SLC2A9: variants seen among roughly 807,000 people sequenced by gnomAD.
SLC2A9 encodes solute carrier family 2, facilitated glucose transporter member 9.
In SLC2A9, 39 loss-of-function variants were observed where a neutral mutation model predicts 50.6. The observed-to-expected ratio is 0.77, with a 90% CI of 0.60 to 1.01. The LOEUF is 1.01. Ranked by LOEUF, SLC2A9 falls within the 50% of genes least tolerant of loss-of-function variation. The pLI, the probability that SLC2A9 is intolerant of heterozygous loss-of-function variation, is 0.00. For synonymous variants in SLC2A9, 324 were observed against 276.9 expected (o/e 1.17, Z -1.69); for missense variants, 686 against 677.6 (o/e 1.01, Z -0.14).
intron 10 of SLC2A9, among the ~76,000 whole-genome samples, chr4:9,858,377 T>C (rs547149140): frequency 6.6e-6 from 1 of 152,340 alleles, no homozygotes; most frequent in African/African-American, 2.4e-5. Context: ...AATGGACTGA[T>C]GTTTCCATGC....
intron 3 of SLC2A9, among the ~76,000 whole-genome samples, chr4:9,807,911 T>C (rs968765688): frequency 2.0e-5 from 3 of 152,218 alleles, no homozygotes; most frequent in Non-Finnish European, 4.4e-5. Flanking sequence ...GTGGACGACA[T>C]GGTTTCGGCG....
At chr4:9,789,104 A>G (rs1016290764) in intron 3 of SLC2A9, among the ~76,000 whole-genome samples, 1 of 152,222 alleles carries the variant, frequency 6.6e-6, no homozygotes, top group Non-Finnish European at 1.5e-5. Flanking sequence ...TAGATATATC[A>G]AATCCCATGC....
intron 3 of SLC2A9, among the ~76,000 whole-genome samples, chr4:9,781,476 T>C (rs369054715): frequency 3.0e-4 from 46 of 151,724 alleles, no homozygotes; most frequent in African/African-American, 1.0e-3. Context: ...GGTCTGGCGC[T>C]GGGGCGCCCC....
At chr4:9,993,834 C>T (rs1371776220) in intron 3 of SLC2A9, among the ~76,000 whole-genome samples, 1 of 152,184 alleles carries the variant, frequency 6.6e-6, no homozygotes, top group Non-Finnish European at 1.5e-5. Context: ...TATGGCCCAT[C>T]TCCAGAGACT....
rs557030473 is a variant in SLC2A9 at position 9,782,847 on chromosome 4, G to A, written n.386-2782C>T. ...GCCGCAGAGCACGCGCAGAGCTGCC[G>A]GAGCAGCGCAGCCTGCGCGCCCGAC... On this transcript the variant is annotated intron_variant and non_coding_transcript_variant, in intron 3 of 3. Coordinates refer to the SLC2A9 transcript ENST00000503803. 68 of 1,612,718 alleles carry A rather than the reference G, an allele frequency of 4.2e-5. No individual in the cohort carries two copies. Among genetic ancestry groups the A allele is most frequent in the Non-Finnish European group, 5.1e-5 (60 of 1,179,622 alleles).
intron 3 of SLC2A9, among the ~76,000 whole-genome samples, chr4:9,988,145 G>T (rs1757061291): frequency 6.6e-6 from 1 of 152,346 alleles, no homozygotes; most frequent in African/African-American, 2.4e-5. Context: ...ACCACAACAG[G>T]TGAGTCAACC....
Position 9,826,456 on chromosome 4 carries a change from G to A in SLC2A9, c.1564C>T (p.Pro522Ser). The A allele has an allele frequency of 6.2e-7, 1 of 1,614,028 alleles. No homozygotes were observed. Among genetic ancestry groups the A allele is most frequent in the Non-Finnish European group, 8.5e-7 (1 of 1,179,978 alleles). The change falls in exon 12 of 12, where the codon CCA becomes TCA. Residue 522 changes from proline to serine, a missense_variant. Coordinates refer to ENST00000264784, the MANE Select transcript of SLC2A9 (RefSeq NM_020041.3). ...GCTGAGTCGATTTTCTCTTCTGGTG[G>A]GTATGCTTTGTTCCTTTTGGAAAAT... ...QAFSKRNKAY[P>S]PEEKIDSAVT...
chr4:9,900,914 G>C (rs779159803), intron 8 of SLC2A9, among the ~76,000 whole-genome samples: 1 of 152,114 alleles, frequency 6.6e-6, no homozygotes, highest in Non-Finnish European at 1.5e-5. Context: ...ACCTCCCACC[G>C]GTCCCTCCCA....
intron 10 of SLC2A9, among the ~76,000 whole-genome samples, chr4:9,872,468 C>G (rs1464496466): frequency 6.6e-6 from 1 of 152,228 alleles, no homozygotes; most frequent in Non-Finnish European, 1.5e-5. Context: ...CTCTCACTAT[C>G]TGAACCTTTG....
intron 3 of SLC2A9, among the ~76,000 whole-genome samples, chr4:9,808,058 A>G (rs1338109311): frequency 1.3e-5 from 2 of 152,122 alleles, no homozygotes; most frequent in Non-Finnish European, 2.9e-5. Flanking sequence ...TGGAAGCCCC[A>G]TTGCCATCTC....
chr4:9,958,575 G>T (rs975990327), intron 5 of SLC2A9, among the ~76,000 whole-genome samples: 3 of 152,134 alleles, frequency 2.0e-5, no homozygotes, highest in Non-Finnish European at 4.4e-5. Context: ...AACCACTATG[G>T]CACATGTATA....
chr4:9,901,379 G>A (rs1476723301), intron 8 of SLC2A9, among the ~76,000 whole-genome samples: 1 of 152,102 alleles, frequency 6.6e-6, no homozygotes, highest in African/African-American at 2.4e-5. Flanking sequence ...ATTGAACTCA[G>A]TCCTTTCGAG....
chr4:9,931,956 CTCTCTCTATATATATATATA>C (rs1196678099), intron 6 of SLC2A9, among the ~76,000 whole-genome samples: 1 of 43,314 alleles, frequency 2.3e-5, no homozygotes, highest in Non-Finnish European at 3.9e-5. Context: ...CTCTCTCTCT[CTCTCTCTATATATATATATA>C]TATATATATA....
At chr4:9,949,277 G>A (rs1749766817) in intron 5 of SLC2A9, among the ~76,000 whole-genome samples, 1 of 152,158 alleles carries the variant, frequency 6.6e-6, no homozygotes, top group Non-Finnish European at 1.5e-5. Context: ...GTAAATGCCT[G>A]TTTACTGAAT....
intron 3 of SLC2A9, among the ~76,000 whole-genome samples, chr4:9,996,386 T>C (rs2109285109): frequency 6.6e-6 from 1 of 152,352 alleles, no homozygotes; most frequent in East Asian, 1.9e-4. Context: ...TGCTCTGCTC[T>C]ATGCCCCGGG....
intron 6 of SLC2A9, among the ~76,000 whole-genome samples, chr4:9,931,913 ACTCTCTCTCTCTCT>A (rs1163786274): frequency 3.3e-3 from 51 of 15,670 alleles, no homozygotes; most frequent in South Asian, 6.7e-3. Flanking sequence ...AATGAGAATG[ACTCTCTCTCTCTCT>A]CTCTCTCTCT....
intron 5 of SLC2A9, among the ~76,000 whole-genome samples, chr4:9,959,350 C>A (rs1751854723): frequency 6.6e-6 from 1 of 150,854 alleles, no homozygotes; most frequent in Non-Finnish European, 1.5e-5. Context: ...TGAGATTGTG[C>A]CACTGCACTG....
chr4:9,835,211 G>A (rs1726832003), intron 10 of SLC2A9, among the ~76,000 whole-genome samples: 1 of 152,140 alleles, frequency 6.6e-6, no homozygotes, highest in South Asian at 2.1e-4. Context: ...GCAATTGCAG[G>A]GCATTTATTA....
At chr4:9,787,731 C>A (rs1333914670) in intron 3 of SLC2A9, among the ~76,000 whole-genome samples, 1 of 152,184 alleles carries the variant, frequency 6.6e-6, no homozygotes, top group African/African-American at 2.4e-5. Flanking sequence ...TGGCCAGCTA[C>A]TTGGTAGACT....
Sources: allele counts gnomAD v4.1 joint callset (sites outside exome capture counted in the v4.1 genomes callset), GRCh38; gene constraint gnomAD v4.1.1; transcripts MANE v1.5; gene names NCBI Gene and HGNC (gene_info 2026-07-23, HGNC 2026-07-21).